WWOX: variants seen among roughly 807,000 people sequenced by gnomAD.
WWOX encodes the protein WW domain-containing oxidoreductase.
Under a neutral mutation model 46.2 loss-of-function variants are expected in WWOX, and 69 were observed. The ratio of observed to expected loss-of-function variants is 1.49; its 90% confidence interval spans 1.23 to 1.82. The LOEUF (loss-of-function observed/expected upper bound fraction) is 1.82. WWOX is among the 40% of genes most tolerant of loss of function. The pLI is 0.00. For synonymous variants in WWOX, 359 were observed against 202.6 expected (o/e 1.77, Z -6.56); for missense variants, 919 against 542.6 (o/e 1.69, Z -6.89).
chr16:78,654,812 G>C (rs1273459179), intron 8 of WWOX, among the ~76,000 whole-genome samples: 2 of 151,608 alleles, frequency 1.3e-5, no homozygotes, highest in Non-Finnish European at 2.9e-5. Context: ...TTGAATTTTG[G>C]AAATAGACCA....
chr16:78,326,909 C>G (rs1391139255), intron 5 of WWOX, among the ~76,000 whole-genome samples: 1 of 152,104 alleles, frequency 6.6e-6, no homozygotes, highest in East Asian at 1.9e-4. Flanking sequence ...AGTTTCTCAC[C>G]ATGGAGATGA....
At chr16:78,948,207 T>A (rs1022160921) in intron 8 of WWOX, among the ~76,000 whole-genome samples, 1 of 152,196 alleles carries the variant, frequency 6.6e-6, no homozygotes, top group African/African-American at 2.4e-5. Context: ...GCAGACTTGC[T>A]CAAGACCTGG....
rs560047932 is a variant in WWOX at position 78,672,055 on chromosome 16, T to C, written c.1056+239303T>C. Among the ~76,000 whole-genome samples, 3 of 152,306 alleles carry C rather than the reference T, an allele frequency of 2.0e-5. No homozygotes were observed. In the South Asian group the frequency reaches 6.2e-4, roughly 32 times the overall value. On this transcript the variant is annotated intron_variant, in intron 8 of 8. Coordinates refer to ENST00000566780, the MANE Select transcript of WWOX (RefSeq NM_016373.4). Reference sequence around the variant, plus strand: ...TTAAGTATCACTTTGAGCTACAGGATCATGATTAAAAAGCATTCTGTTATC... The same window carrying C: ...TTAAGTATCACTTTGAGCTACAGGACCATGATTAAAAAGCATTCTGTTATC...
intron 8 of WWOX, among the ~76,000 whole-genome samples, chr16:78,909,109 A>T (rs2045042604): frequency 6.6e-6 from 1 of 152,238 alleles, no homozygotes; most frequent in African/African-American, 2.4e-5. Context: ...ATCAACTTTG[A>T]ACAAGACAGC....
intron 8 of WWOX, among the ~76,000 whole-genome samples, chr16:78,572,720 A>G: frequency 6.6e-6 from 1 of 151,938 alleles, no homozygotes; most frequent in East Asian, 1.9e-4. Context: ...TGATAAAACT[A>G]TAAAGAAAAC....
At chr16:78,613,097 C>T (rs2045938153) in intron 8 of WWOX, among the ~76,000 whole-genome samples, 1 of 152,104 alleles carries the variant, frequency 6.6e-6, no homozygotes, top group Non-Finnish European at 1.5e-5. Flanking sequence ...TTTCTGCCCT[C>T]AGCTTCTCTT....
chr16:79,137,690 T>C (rs2050009244), intron 8 of WWOX, among the ~76,000 whole-genome samples: 2 of 152,102 alleles, frequency 1.3e-5, no homozygotes, highest in African/African-American at 4.8e-5. Context: ...CCCTCCTCCG[T>C]CTCCTTCCCC....
intron 8 of WWOX, among the ~76,000 whole-genome samples, chr16:78,903,504 G>A (rs531896919): frequency 6.6e-6 from 1 of 152,312 alleles, no homozygotes; most frequent in East Asian, 1.9e-4. Context: ...CCACTCAGAG[G>A]TACTTTCAAT....
At chr16:78,317,289 C>G (rs370766934) in intron 5 of WWOX, among the ~76,000 whole-genome samples, 51 of 152,250 alleles carry the variant, frequency 3.3e-4, no homozygotes, top group Non-Finnish European at 3.4e-4. Context: ...CTGTCTGTCT[C>G]TCTCTGTCTC....
chr16:78,175,672 A>T (rs139517721), intron 5 of WWOX, among the ~76,000 whole-genome samples: 1 of 152,302 alleles, frequency 6.6e-6, no homozygotes, highest in East Asian at 1.9e-4. Flanking sequence ...GCCCTGGCTG[A>T]TTCATGTCAT....
At chr16:78,319,029 A>C (rs2080411897) in intron 5 of WWOX, among the ~76,000 whole-genome samples, 1 of 152,190 alleles carries the variant, frequency 6.6e-6, no homozygotes, top group Non-Finnish European at 1.5e-5. Flanking sequence ...AGTTAAAATC[A>C]GGAGATTACC....
At chr16:78,515,024 A>T (rs1359095381) in intron 8 of WWOX, among the ~76,000 whole-genome samples, 1 of 152,156 alleles carries the variant, frequency 6.6e-6, no homozygotes, top group East Asian at 1.9e-4. Flanking sequence ...CATCAAGACC[A>T]GTCTGGCCAG....
chr16:78,450,867 A>G (rs941969816), intron 8 of WWOX, among the ~76,000 whole-genome samples: 6 of 152,220 alleles, frequency 3.9e-5, no homozygotes, highest in Non-Finnish European at 8.8e-5. Flanking sequence ...TTATATTTCA[A>G]AAGAATTAGG....
intron 8 of WWOX, chr16:78,756,853 T>C: frequency 1.4e-6 from 1 of 699,338 alleles, no homozygotes; most frequent in East Asian, 2.7e-5. Flanking sequence ...CGATAGGGTA[T>C]TGCAGACATC....
At chr16:78,417,890 A>T (rs1472425882) in intron 6 of WWOX, among the ~76,000 whole-genome samples, 2 of 152,170 alleles carry the variant, frequency 1.3e-5, no homozygotes, top group African/African-American at 4.8e-5. Context: ...ATGACTTTTC[A>T]GGTTTTAGGT....
chr16:78,204,462 G>A (rs2036328763), intron 5 of WWOX, among the ~76,000 whole-genome samples: 1 of 152,050 alleles, frequency 6.6e-6, no homozygotes, highest in Non-Finnish European at 1.5e-5. Context: ...AGTTATTATT[G>A]ACTATAGTCA....
chr16:79,043,559 G>C (rs756759698), intron 8 of WWOX, among the ~76,000 whole-genome samples: 1 of 152,172 alleles, frequency 6.6e-6, no homozygotes, highest in South Asian at 2.1e-4. Context: ...TGCATGTGTA[G>C]TTAATTTGTT....
intron 8 of WWOX, among the ~76,000 whole-genome samples, chr16:78,566,978 T>C (rs2044584836): frequency 6.6e-6 from 1 of 152,210 alleles, no homozygotes; most frequent in African/African-American, 2.4e-5. Flanking sequence ...AGTGTAATCA[T>C]AGCAGAAACT....
chr16:78,788,989 C>T (rs2050525357), intron 8 of WWOX, among the ~76,000 whole-genome samples: 1 of 152,170 alleles, frequency 6.6e-6, no homozygotes, highest in Non-Finnish European at 1.5e-5. Context: ...AAATGATTTG[C>T]AAACATTTTC....
Sources: gnomAD v4.1 joint callset for allele counts (sites outside exome capture counted in the v4.1 genomes callset) on GRCh38, gnomAD v4.1.1 for gene constraint, MANE v1.5 for transcripts, NCBI Gene and HGNC (gene_info 2026-07-23, HGNC 2026-07-21) for gene names.